Variants in ITGB3BP observed in about 807,000 individuals in gnomAD.
ITGB3BP encodes the protein centromere protein R.
In ITGB3BP, 27 loss-of-function variants were observed where a neutral mutation model predicts 29.1. That is an observed-to-expected ratio of 0.93 (90% CI 0.68 to 1.28). The LOEUF is 1.28. ITGB3BP is among the 50% of genes most tolerant of loss of function. The pLI, the probability that ITGB3BP is intolerant of heterozygous loss-of-function variation, is 0.00. For missense variants in ITGB3BP, 192 were observed against 200.2 expected (o/e 0.96, Z 0.25); for synonymous variants, 61 against 61.4 (o/e 0.99, Z 0.03).
At chr1:63,509,458 A>G (rs541748993) in intron 1 of ITGB3BP, among the ~76,000 whole-genome samples, 1 of 152,390 alleles carries the variant, frequency 6.6e-6, no homozygotes, top group East Asian at 1.9e-4. Context: ...TAGAGCATAA[A>G]GCAAAAAGAT....
intron 4 of ITGB3BP, among the ~76,000 whole-genome samples, chr1:63,469,389 C>T (rs192931024): frequency 0.012 from 1,884 of 151,732 alleles, 30 homozygotes; most frequent in African/African-American, 0.043. Flanking sequence ...TGCAATGGCA[C>T]GATCTCGGCT....
At chr1:63,455,076 C>A in intron 4 of ITGB3BP, 108 bp from the exon 5 acceptor site, 2 of 602,464 alleles carry the variant, frequency 3.3e-6, no homozygotes, top group South Asian at 4.3e-5. Context: ...TAGGTTCTTT[C>A]ATTCTTTACA....
intron 4 of ITGB3BP, among the ~76,000 whole-genome samples, chr1:63,465,157 A>G (rs1412939334): frequency 6.6e-6 from 1 of 152,194 alleles, no homozygotes; most frequent in Non-Finnish European, 1.5e-5. Flanking sequence ...ATTTAGCAGT[A>G]AAAAAGGATG....
intron 4 of ITGB3BP, among the ~76,000 whole-genome samples, chr1:63,475,474 G>A (rs1450162038): frequency 1.3e-5 from 2 of 152,142 alleles, no homozygotes; most frequent in African/African-American, 2.4e-5. Flanking sequence ...AGGATAACTC[G>A]AGCCCAACAG....
At chr1:63,521,832 C>T (rs1019967582) in intron 1 of ITGB3BP, among the ~76,000 whole-genome samples, 5 of 152,166 alleles carry the variant, frequency 3.3e-5, no homozygotes, top group Admixed American at 2.0e-4. Context: ...GTTCCCCACT[C>T]CTATACACAG....
chr1:63,495,411 A>ATTACAC (rs1645762946), intron 2 of ITGB3BP, among the ~76,000 whole-genome samples: 1 of 152,194 alleles, frequency 6.6e-6, no homozygotes, highest in African/African-American at 2.4e-5. Flanking sequence ...CACTAAAGGA[A>ATTACAC]AGATAGCTGT....
At chr1:63,506,880 A>G (rs74078241) in intron 2 of ITGB3BP, among the ~76,000 whole-genome samples, 3,355 of 152,308 alleles carry the variant, frequency 0.022, 128 homozygotes, top group African/African-American at 0.076. Context: ...TTGTAGGTAT[A>G]TATTTTGAAT....
chr1:63,453,907 C>A lies in ITGB3BP; in HGVS notation c.484+11G>T, dbSNP rs1644895955. Reference sequence around the variant, plus strand: ...CATCTTTATGTAATAAACTAAAACACAACTACTTACCTTTGTGAGGAAGTC... The same window carrying A: ...CATCTTTATGTAATAAACTAAAACAAAACTACTTACCTTTGTGAGGAAGTC... On this transcript the variant is annotated intron_variant, in intron 7 of 8. Coordinates refer to ENST00000271002, the MANE Select transcript of ITGB3BP (RefSeq NM_014288.5). 1 of 1,533,376 alleles carries A rather than the reference C, an allele frequency of 6.5e-7. No individual in the cohort carries two copies. 95.0% of individuals were successfully genotyped at this position (1,533,376 alleles called of 1,614,324 possible).
chr1:63,458,375 T>G (rs570369870), intron 4 of ITGB3BP: 2 of 152,188 alleles, frequency 1.3e-5, no homozygotes, highest in Admixed American at 1.3e-4. Context: ...AGGAGAGAAC[T>G]AAAAGAACAA....
rs1340132706 is a variant in ITGB3BP, at chr1:63,478,823, T to C, written c.195A>G (p.Lys65=). Reference sequence around the variant, plus strand: ...CAGTTAAACTGGGGTGATTCAATTTTTTTCTCTTTTCTATATATGTGTAAT... The same window carrying C: ...CAGTTAAACTGGGGTGATTCAATTTCTTTCTCTTTTCTATATATGTGTAAT... ...HRNGLSNEKR[K]KLNHPSLTES... Residue 65 remains lysine, a synonymous_variant, in exon 4 of 9, where the codon AAA becomes AAG. Coordinates refer to ENST00000271002, the MANE Select transcript of ITGB3BP (RefSeq NM_014288.5). 2 of 1,328,196 alleles carry C rather than the reference T, an allele frequency of 1.5e-6. No homozygotes were observed. The highest frequency in any genetic ancestry group is 2.8e-5 in the South Asian group (2 of 71,012). 82.3% of individuals were successfully genotyped at this position (1,328,196 alleles called of 1,614,324 possible). A position where few individuals can be genotyped will look rare whatever the true frequency, so the allele number is the denominator to read the frequency against.
intron 3 of ITGB3BP, 26 bp downstream of exon 3, chr1:63,490,057 T>C (rs1373137682): frequency 8.8e-6 from 14 of 1,597,050 alleles, no homozygotes; most frequent in Non-Finnish European, 1.1e-5. Flanking sequence ...AACCTTACAA[T>C]AAGTAGAAAA....
chr1:63,507,180 C>T (rs971345087), intron 2 of ITGB3BP, among the ~76,000 whole-genome samples: 4 of 152,202 alleles, frequency 2.6e-5, no homozygotes, highest in Non-Finnish European at 5.9e-5. Context: ...TAGGAACCTC[C>T]TTCGGGCAGA....
chr1:63,513,201 TTTTATA>T (rs1366453233), intron 1 of ITGB3BP, among the ~76,000 whole-genome samples: 2 of 152,342 alleles, frequency 1.3e-5, no homozygotes, highest in African/African-American at 4.8e-5. Flanking sequence ...TGATCATTCC[TTTTATA>T]TTTATTAGTT....
chr1:63,455,099 A>G, intron 4 of ITGB3BP, 131 bp from the exon 5 acceptor site: 3 of 544,556 alleles, frequency 5.5e-6, no homozygotes, highest in East Asian at 2.9e-5. Context: ...CACAATATAT[A>G]TTATCAACTG....
chr1:63,445,072 G>GT (rs1416030893), intron 8 of ITGB3BP, among the ~76,000 whole-genome samples: 1 of 152,058 alleles, frequency 6.6e-6, no homozygotes, highest in African/African-American at 2.4e-5. Flanking sequence ...ATCACTTGAG[G>GT]TTAGGAGTTC....
chr1:63,515,537 A>G (rs1214044579), intron 1 of ITGB3BP, among the ~76,000 whole-genome samples: 1 of 152,066 alleles, frequency 6.6e-6, no homozygotes. Flanking sequence ...AAATAGAACT[A>G]CCATTCAACG....
At chr1:63,522,634 T>C (rs1202136013) in intron 1 of ITGB3BP, among the ~76,000 whole-genome samples, 4 of 152,074 alleles carry the variant, frequency 2.6e-5, no homozygotes, top group Non-Finnish European at 5.9e-5. Context: ...TACAAACTTA[T>C]TTGTGTAAGT....
chr1:63,481,340 G>A (rs1259889337), intron 3 of ITGB3BP, among the ~76,000 whole-genome samples: 1 of 152,052 alleles, frequency 6.6e-6, no homozygotes, highest in Non-Finnish European at 1.5e-5. Context: ...ATATTTCTAA[G>A]AGTAATACTT....
At chr1:63,524,464 C>A (rs546428987), upstream of ITGB3BP, among the ~76,000 whole-genome samples, 2 of 152,218 alleles carry the variant, frequency 1.3e-5, no homozygotes, top group South Asian at 4.2e-4. Context: ...TCTTTCTTTC[C>A]CAAGTGTAAA....
Sources: gnomAD v4.1 joint callset for allele counts (sites outside exome capture counted in the v4.1 genomes callset) on GRCh38, gnomAD v4.1.1 for gene constraint, MANE v1.5 for transcripts, NCBI Gene and HGNC (gene_info 2026-07-23, HGNC 2026-07-21) for gene names.